The following PARVB variants were observed in gnomAD, a reference collection of about 807,000 sequenced individuals.
The protein encoded by PARVB is parvin beta, also known as beta-parvin.
In PARVB, 46 loss-of-function variants were observed where a neutral mutation model predicts 47.0. The ratio of observed to expected loss-of-function variants is 0.98; its 90% confidence interval spans 0.77 to 1.25. The LOEUF is 1.25. Among genes scored for constraint, PARVB ranks in the 50% most tolerant of loss-of-function variants. PARVB has a pLI of 0.00. For synonymous variants in PARVB, 196 were observed against 196.3 expected, an observed-to-expected ratio of 1.00 and a Z score of 0.01; for missense variants, 473 against 471.6, an observed-to-expected ratio of 1.00 and a Z score of -0.03.
intron 1 of PARVB, among the ~76,000 whole-genome samples, chr22:44,082,120 C>T (rs1020218859): frequency 5.9e-5 from 9 of 151,900 alleles, no homozygotes; most frequent in Middle Eastern, 3.4e-3. Flanking sequence ...TTTTTTGGGG[C>T]GGGGGAGGCT....
At chr22:44,140,720 T>C (rs2053534708) in intron 8 of PARVB, 1 of 410,328 alleles carries the variant, frequency 2.4e-6, no homozygotes, top group Non-Finnish European at 4.9e-6. Flanking sequence ...GCTGTGAGTA[T>C]TGGGTGAGAT....
rs1037257934 is a variant in PARVB at position 44,164,020 on chromosome 22, T to G, written c.1018+90T>G. The G allele has an allele frequency of 3.2e-5, 31 of 966,236 alleles. No individual in the cohort carries two copies. In the African/African-American group the frequency reaches 3.4e-4, roughly 11 times the overall value. The allele number at this position is 966,236 out of a possible 1,614,324, so 59.9% of individuals were successfully genotyped here. The stretch of plus-strand genomic sequence containing the variant: ...AGAAGTGGCTGGAAGGCTGGCATGT[T>G]GTTCCCCAGATGGGCCCCACGTCTC... On this transcript the variant is annotated intron_variant, in intron 12 of 12. Coordinates refer to ENST00000338758, the MANE Select transcript of PARVB (RefSeq NM_013327.5).
chr22:44,003,208 C>G (rs867868262), intron 2 of PARVB, among the ~76,000 whole-genome samples: 19 of 152,182 alleles, frequency 1.2e-4, no homozygotes, highest in African/African-American at 4.3e-4. Context: ...CCATCCGTTA[C>G]TGTGAAATAG....
chr22:44,114,617 C>T (rs1408706225), intron 3 of PARVB: 1 of 67,550 alleles, frequency 1.5e-5, no homozygotes, highest in Admixed American at 1.5e-4. Context: ...GTTACTAAGG[C>T]CCTGCACCAA....
At chr22:44,140,529 C>T (rs1304181575) in intron 8 of PARVB, 2 of 561,590 alleles carry the variant, frequency 3.6e-6, no homozygotes, top group Admixed American at 3.8e-5. Flanking sequence ...GAGAGTGGCT[C>T]AGCTCTGTGG....
chr22:44,002,997 A>G (rs971079712), intron 2 of PARVB, among the ~76,000 whole-genome samples: 9 of 152,216 alleles, frequency 5.9e-5, no homozygotes, highest in African/African-American at 9.6e-5. Context: ...AAAAATAGTC[A>G]TGATTTTTGA....
chr22:44,120,037 T>G (rs1434670272), intron 4 of PARVB: 2 of 367,724 alleles, frequency 5.4e-6, no homozygotes, highest in African/African-American at 4.2e-5. Context: ...TAGGGGGCAG[T>G]ACTGCCATCG....
chr22:44,107,663 A>T (rs2052597668), intron 3 of PARVB: 1 of 152,174 alleles, frequency 6.6e-6, no homozygotes, highest in African/African-American at 2.4e-5. Context: ...AGAGTGAATC[A>T]AATCACCAAT....
chr22:44,159,072 A>C (rs79470), intron 11 of PARVB, among the ~76,000 whole-genome samples: 61,674 of 151,910 alleles, frequency 0.41, 12,959 homozygotes, highest in African/African-American at 0.51. Flanking sequence ...CGAGAGAGAG[A>C]GAGCGAGCGA....
At chr22:44,145,800 C>G (rs1354240529) in intron 8 of PARVB, 3 of 152,210 alleles carry the variant, frequency 2.0e-5, no homozygotes, top group Admixed American at 2.0e-4. Context: ...GGTGGCCCAG[C>G]TAAATATACC....
At chr22:44,031,747 C>T (rs1178987081) in intron 1 of PARVB, among the ~76,000 whole-genome samples, 2 of 151,974 alleles carry the variant, frequency 1.3e-5, no homozygotes, top group Non-Finnish European at 1.5e-5. Flanking sequence ...CCTGTCCAGT[C>T]GTCAGAATAA....
At chr22:44,127,348 A>G (rs550548484) in intron 4 of PARVB, among the ~76,000 whole-genome samples, 1 of 152,308 alleles carries the variant, frequency 6.6e-6, no homozygotes, top group African/African-American at 2.4e-5. Context: ...GAATGTTGTT[A>G]CACTGAAATG....
chr22:44,081,589 G>T, intron 1 of PARVB: 1 of 985,320 alleles, frequency 1.0e-6, no homozygotes, highest in Non-Finnish European at 1.2e-6. Context: ...TCCAGACTTA[G>T]CTTCTGCACG....
rs144596485 is a variant in PARVB at position 44,075,673 on chromosome 22, C to T, written c.113-18255C>T. Among the ~76,000 whole-genome samples the T allele has an allele frequency of 9.1e-4, 139 of 152,370 alleles. 1 individual carries two copies. The highest frequency in any genetic ancestry group is 1.5e-3 in the Admixed American group (23 of 15,304). ...CGTAGTTTTGCCTGCCCCACAGGGT[C>T]GTGCAGTTGGGATCACACTGTCTGC... On this transcript the variant is annotated intron_variant, in intron 1 of 12. Coordinates refer to ENST00000338758, the MANE Select transcript of PARVB (RefSeq NM_013327.5).
At chr22:44,016,893 G>C (rs1362069095) in intron 2 of PARVB, among the ~76,000 whole-genome samples, 1 of 151,742 alleles carries the variant, frequency 6.6e-6, no homozygotes, top group African/African-American at 2.4e-5. Context: ...TATTTTTTTT[G>C]AGATGGAGTT....
intron 1 of PARVB, among the ~76,000 whole-genome samples, chr22:44,044,192 T>G (rs935005613): frequency 1.1e-4 from 15 of 131,344 alleles, no homozygotes; most frequent in Non-Finnish European, 2.1e-4. Flanking sequence ...TTTTTTGTGG[T>G]TTTTTTTTTT....
Position 44,094,024 on chromosome 22 carries a change from G to C in PARVB, c.202+7G>C. 6.4e-7 allele frequency: 1 copy of C among 1,554,412 alleles called. No individual in the cohort carries two copies. The highest frequency in any genetic ancestry group is 1.4e-5 in the African/African-American group (1 of 73,410). On this transcript the variant is annotated splice_region_variant and intron_variant, in intron 2 of 12. Coordinates refer to ENST00000338758, the MANE Select transcript of PARVB (RefSeq NM_013327.5). ...CCTGAAGACACCCAGCTTGGTACGG[G>C]GGTTCCTCCGCTCCCTGCCCTGAGA... is the stretch of plus-strand genomic sequence containing the variant.
chr22:44,120,470 CG>C (rs1446493134), intron 4 of PARVB, among the ~76,000 whole-genome samples: 1 of 152,128 alleles, frequency 6.6e-6, no homozygotes, highest in Non-Finnish European at 1.5e-5. Flanking sequence ...TGTCTCCTCA[CG>C]ATGAGATCTG....
intron 9 of PARVB, 45 bp downstream of exon 9, chr22:44,147,967 G>A (rs748483043): frequency 1.7e-5 from 26 of 1,539,114 alleles, no homozygotes; most frequent in African/African-American, 2.7e-5. Context: ...CCTGGCTCGC[G>A]GCTTTTTGAC....
Sources: allele counts gnomAD v4.1 joint callset (sites outside exome capture counted in the v4.1 genomes callset), GRCh38; gene constraint gnomAD v4.1.1; transcripts MANE v1.5; gene names NCBI Gene and HGNC (gene_info 2026-07-23, HGNC 2026-07-21).